Variants in PTPN12 observed in about 807,000 individuals in gnomAD.
PTPN12 encodes the protein protein tyrosine phosphatase non-receptor type 12, also known as tyrosine-protein phosphatase non-receptor type 12.
PTPN12 carries 29 observed loss-of-function variants against 97.6 expected under a neutral mutation model. The ratio of observed to expected loss-of-function variants is 0.30; its 90% CI spans 0.22 to 0.41. The LOEUF (loss-of-function observed/expected upper bound fraction) is 0.41. PTPN12 is among the 10% of genes least tolerant of loss of function. PTPN12 has a pLI of 1.00. For synonymous variants in PTPN12, 327 were observed against 300.4 expected, an observed-to-expected ratio of 1.09 and a Z score of -0.91; for missense variants, 819 against 926.0, an observed-to-expected ratio of 0.88 and a Z score of 1.50.
At chr7:77,566,615 A>G (rs1184906493) in intron 1 of PTPN12, among the ~76,000 whole-genome samples, 2 of 152,152 alleles carry the variant, frequency 1.3e-5, no homozygotes, top group Non-Finnish European at 2.9e-5. Flanking sequence ...GCTACTCGCT[A>G]AGGGACGCTG....
chr7:77,600,765 A>G lies in PTPN12; in HGVS notation c.654A>G (p.Lys218=), dbSNP rs756178175. 2 of 1,610,938 alleles carry G rather than the reference A, an allele frequency of 1.2e-6. No individual in the cohort carries two copies. The highest frequency in any genetic ancestry group is 1.3e-5 in the African/African-American group (1 of 74,914). Residue 218 remains lysine (K), a synonymous_variant, in exon 8 of 18, where the codon AAA becomes AAG. Coordinates refer to ENST00000248594, the MANE Select transcript of PTPN12 (RefSeq NM_002835.4). ...SILDMISLMR[K]YQEHEDVPIC... ...TGGACATGATAAGCTTAATGAGGAA[A>G]TATCAAGAACATGAAGATGTTCCTA... is the stretch of plus-strand genomic sequence containing the variant.
intron 8 of PTPN12, among the ~76,000 whole-genome samples, chr7:77,605,945 C>CTTTTTTTTTTTTTT (rs10648385): frequency 1.9e-5 from 1 of 51,896 alleles, no homozygotes; most frequent in African/African-American, 7.9e-5. Context: ...CAAGAGCCAT[C>CTTTTTTTTTTTTTT]TTTTTTTTTT....
intron 12 of PTPN12, among the ~76,000 whole-genome samples, chr7:77,626,285 G>A: frequency 6.6e-6 from 1 of 152,156 alleles, no homozygotes; most frequent in Non-Finnish European, 1.5e-5. Flanking sequence ...ATACGACTGA[G>A]GTAATGAAAA....
intron 12 of PTPN12, among the ~76,000 whole-genome samples, chr7:77,623,909 T>C (rs1303512023): frequency 6.6e-6 from 1 of 152,190 alleles, no homozygotes; most frequent in Non-Finnish European, 1.5e-5. Context: ...GTAGGAGGTG[T>C]CTGCAATTAT....
Position 77,537,417 on chromosome 7 carries a change from C to T in PTPN12, c.-130C>T. On this transcript the variant is annotated 5_prime_UTR_variant, in exon 1 of 18. Coordinates refer to ENST00000248594, the MANE Select transcript of PTPN12 (RefSeq NM_002835.4). Reference sequence around the variant, plus strand: ...TAGGGCGGTGGGGAGGAGGAGGGAGCCGCGGGGCTTGGCGGGGTCGGGAGG... The same window carrying T: ...TAGGGCGGTGGGGAGGAGGAGGGAGTCGCGGGGCTTGGCGGGGTCGGGAGG... The T allele has an allele frequency of 7.6e-7, 1 of 1,312,988 alleles. No individual in the cohort carries two copies. Among genetic ancestry groups the T allele is most frequent in the Non-Finnish European group, 9.9e-7 (1 of 1,015,020 alleles). The allele number at this position is 1,312,988 out of a possible 1,614,324, so 81.3% of individuals were successfully genotyped here. A position where few individuals can be genotyped will look rare whatever the true frequency, so the allele number is the denominator to read the frequency against.
intron 1 of PTPN12, among the ~76,000 whole-genome samples, chr7:77,561,966 A>G (rs1808019261): frequency 6.6e-6 from 1 of 151,114 alleles, no homozygotes; most frequent in Non-Finnish European, 1.5e-5. Flanking sequence ...TAATTTTTGT[A>G]TTTTTAGTAG....
At chr7:77,557,890 A>C (rs1407167018) in intron 1 of PTPN12, among the ~76,000 whole-genome samples, 1 of 152,110 alleles carries the variant, frequency 6.6e-6, no homozygotes, top group Admixed American at 6.6e-5. Context: ...ATTTGATAAA[A>C]ACTCAAAAAT....
chr7:77,620,853 C>CA (rs1268504951), intron 12 of PTPN12, among the ~76,000 whole-genome samples: 1 of 152,184 alleles, frequency 6.6e-6, no homozygotes, highest in Non-Finnish European at 1.5e-5. Flanking sequence ...GAGACTGAGG[C>CA]AGGAGAATCG....
chr7:77,557,885 A>G (rs1807793743), intron 1 of PTPN12, among the ~76,000 whole-genome samples: 1 of 152,192 alleles, frequency 6.6e-6, no homozygotes, highest in African/African-American at 2.4e-5. Context: ...ACCAAATTTG[A>G]TAAAAACTCA....
At chr7:77,539,231 G>A (rs117356477) in intron 1 of PTPN12, among the ~76,000 whole-genome samples, 3 of 152,088 alleles carry the variant, frequency 2.0e-5, no homozygotes, top group Non-Finnish European at 4.4e-5. Flanking sequence ...GCATCGTTGA[G>A]CTTTGTGATT....
chr7:77,565,326 T>A (rs1808214671), intron 1 of PTPN12, among the ~76,000 whole-genome samples: 1 of 152,228 alleles, frequency 6.6e-6, no homozygotes, highest in South Asian at 2.1e-4. Context: ...CACTTCAAAG[T>A]CTCTTCAGTG....
chr7:77,573,105 C>CAAAAAAAAAAAA, intron 2 of PTPN12, among the ~76,000 whole-genome samples: 1 of 47,856 alleles, frequency 2.1e-5, no homozygotes, highest in Admixed American at 2.8e-4. Flanking sequence ...AACAAAAAAA[C>CAAAAAAAAAAAA]AAAAAAAACC....
intron 6 of PTPN12, among the ~76,000 whole-genome samples, chr7:77,593,677 A>G (rs1787937788): frequency 6.6e-6 from 1 of 152,228 alleles, no homozygotes; most frequent in Admixed American, 6.5e-5. Context: ...CAACAACATT[A>G]TGGAGGACAG....
intron 13 of PTPN12, among the ~76,000 whole-genome samples, chr7:77,629,054 A>G (rs1187610180): frequency 6.6e-6 from 1 of 152,100 alleles, no homozygotes; most frequent in African/African-American, 2.4e-5. Context: ...GGTTCAAGGA[A>G]TTCTCCTGCC....
chr7:77,624,464 G>C (rs1457021300), intron 12 of PTPN12, among the ~76,000 whole-genome samples: 1 of 152,022 alleles, frequency 6.6e-6, no homozygotes, highest in Non-Finnish European at 1.5e-5. Flanking sequence ...TTTTGAGACA[G>C]AGTCTTGCTC....
At chr7:77,545,837 G>A (rs1490800654) in intron 1 of PTPN12, 1 of 151,990 alleles carries the variant, frequency 6.6e-6, no homozygotes, top group Non-Finnish European at 1.5e-5. Context: ...GCTATTCCTG[G>A]TCCTTGAGCA....
At chr7:77,607,033 T>G (rs1463250320) in intron 8 of PTPN12, 2 of 391,624 alleles carry the variant, frequency 5.1e-6, no homozygotes, top group Non-Finnish European at 9.1e-6. Flanking sequence ...ATAGGAAAAA[T>G]CATAGTGTAT....
intron 8 of PTPN12, 70 bp from the exon 9 acceptor site, chr7:77,607,165 G>A: frequency 1.6e-6 from 2 of 1,212,360 alleles, no homozygotes; most frequent in Non-Finnish European, 2.3e-6. Flanking sequence ...ATATTAACAT[G>A]TCTATCCACA....
intron 7 of PTPN12, 122 bp from the exon 8 acceptor site, chr7:77,600,541 GT>G: frequency 2.6e-6 from 2 of 765,460 alleles, no homozygotes; most frequent in African/African-American, 1.8e-5. Flanking sequence ...ATTTATTTGG[GT>G]TTTTTTAAAA....
Sources: gnomAD v4.1 joint callset for allele counts (sites outside exome capture counted in the v4.1 genomes callset) on GRCh38, gnomAD v4.1.1 for gene constraint, MANE v1.5 for transcripts, NCBI Gene and HGNC (gene_info 2026-07-23, HGNC 2026-07-21) for gene names.